Variants in PPM1L observed in about 807,000 individuals in gnomAD.
The protein encoded by PPM1L is protein phosphatase 1L.
In PPM1L, 13 loss-of-function variants were observed where a neutral mutation model predicts 31.4. That is an observed-to-expected ratio of 0.41 (90% CI 0.27 to 0.66). The LOEUF is 0.66. Among genes scored for constraint, PPM1L ranks in the 30% least tolerant of loss-of-function variants. PPM1L has a pLI of 0.29. For synonymous variants in PPM1L, 184 were observed against 175.4 expected (o/e 1.05, Z -0.39); for missense variants, 326 against 453.7 (o/e 0.72, Z 2.56).
intron 2 of PPM1L, among the ~76,000 whole-genome samples, chr3:160,971,771 T>A (rs889289707): frequency 1.3e-5 from 2 of 152,016 alleles, no homozygotes; most frequent in Non-Finnish European, 2.9e-5. Flanking sequence ...TACCACATTC[T>A]TTTTTTTATT....
chr3:160,903,208 T>TGTGTGTG (rs1553819694), intron 1 of PPM1L, among the ~76,000 whole-genome samples: 1 of 120,032 alleles, frequency 8.3e-6, no homozygotes, highest in Non-Finnish European at 1.7e-5. Context: ...GTGTGTATGT[T>TGTGTGTG]TGTGTGTGTG....
intron 2 of PPM1L, among the ~76,000 whole-genome samples, chr3:161,057,715 T>C (rs1310019522): frequency 6.6e-6 from 1 of 152,046 alleles, no homozygotes; most frequent in African/African-American, 2.4e-5. Flanking sequence ...GCGGCAGCCA[T>C]TTTCGTTGCT....
At position 160,775,583 on chromosome 3, in the gene PPM1L, G is replaced by A. The variant is rs112514992; in HGVS notation, c.399+18876G>A. On this transcript the variant is annotated intron_variant, in intron 1 of 3. Transcript: ENST00000498165. ...TATCCTAGGCAAGTGGTTTTCATCA[G>A]TTTGACAGGTAACTCTATTTCTGGT... 1.1e-3 allele frequency among the ~76,000 whole-genome samples: 160 copies of A among 152,252 alleles called. 1 individual carries two copies. The highest frequency in any genetic ancestry group is 3.5e-3 in the African/African-American group (144 of 41,558).
Position 161,070,906 on chromosome 3 carries a change from T to A in PPM1L, c.*1749T>A, listed in dbSNP as rs1006237212. 2 of 152,360 alleles carry A rather than the reference T, an allele frequency of 1.3e-5. No homozygotes were observed. The highest frequency in any genetic ancestry group is 2.4e-5 in the African/African-American group (1 of 41,580). The allele number at this position is 152,360 out of a possible 1,614,324, so 9.4% of individuals were successfully genotyped here. The stretch of plus-strand genomic sequence containing the variant: ...AGCACTTAACTTTCTTTGACTGCAC[T>A]GAGAATTGCTAATGATTTCCCATGA... On this transcript the variant is annotated 3_prime_UTR_variant, in exon 4 of 4. Transcript: ENST00000498165.
chr3:160,957,577 C>CT (rs35644904), intron 1 of PPM1L, among the ~76,000 whole-genome samples: 3,395 of 129,188 alleles, frequency 0.026, 167 homozygotes, highest in African/African-American at 0.085. Context: ...TATTATTTGA[C>CT]TTTTTTTTTT....
chr3:160,785,405 C>CT (rs1711873798), intron 1 of PPM1L, among the ~76,000 whole-genome samples: 1 of 152,098 alleles, frequency 6.6e-6, no homozygotes, highest in Non-Finnish European at 1.5e-5. Context: ...GGATGTATTA[C>CT]TTTTTATAAC....
At chr3:160,757,893 G>T (rs775958906) in intron 1 of PPM1L, among the ~76,000 whole-genome samples, 6 of 152,160 alleles carry the variant, frequency 3.9e-5, no homozygotes, top group Non-Finnish European at 8.8e-5. Flanking sequence ...TCAAGCATTT[G>T]CTTGTTCTTT....
chr3:160,799,543 A>C (rs2108077254), intron 1 of PPM1L, among the ~76,000 whole-genome samples: 1 of 152,366 alleles, frequency 6.6e-6, no homozygotes, highest in East Asian at 1.9e-4. Flanking sequence ...TAGTGTAAAC[A>C]TAACTTTTAT....
chr3:160,821,847 C>CT (rs986742975), intron 1 of PPM1L, among the ~76,000 whole-genome samples: 48 of 150,744 alleles, frequency 3.2e-4, no homozygotes, highest in East Asian at 1.8e-3. Flanking sequence ...CTTTTAATTC[C>CT]TTTTTTAAAA....
In PPM1L at chr3:161,073,334, G is replaced by C. The variant is rs1295668929; in HGVS notation, c.*4177G>C. On this transcript the variant is annotated 3_prime_UTR_variant, in exon 4 of 4. Coordinates refer to ENST00000498165, the MANE Select transcript of PPM1L (RefSeq NM_139245.4). ...CACCTAGTAACACTGCAAGGAACTTGTGTTCTAAAGAACACCCTTTGGGAA... is the reference window on the plus strand; with the variant it reads ...CACCTAGTAACACTGCAAGGAACTTCTGTTCTAAAGAACACCCTTTGGGAA... 6.6e-6 allele frequency: 1 copy of C among 152,172 alleles called. No individual in the cohort carries two copies. Among genetic ancestry groups the C allele is most frequent in the African/African-American group, 2.4e-5 (1 of 41,442 alleles). 9.4% of individuals were successfully genotyped at this position (152,172 alleles called of 1,614,324 possible).
intron 1 of PPM1L, among the ~76,000 whole-genome samples, chr3:160,940,189 G>T (rs922515633): frequency 4.6e-5 from 7 of 152,198 alleles, no homozygotes; most frequent in African/African-American, 1.7e-4. Flanking sequence ...GCATTCAAGA[G>T]GTGACTTGGG....
chr3:160,786,157 C>CTGTGTGTGTGTGTG (rs1239014226), intron 1 of PPM1L, among the ~76,000 whole-genome samples: 1 of 69,178 alleles, frequency 1.4e-5, no homozygotes, highest in African/African-American at 8.3e-5. Context: ...CTCTCTCTCT[C>CTGTGTGTGTGTGTG]TGTGTGTGTG....
chr3:160,797,226 T>C (rs1438355018), intron 1 of PPM1L, among the ~76,000 whole-genome samples: 2 of 152,226 alleles, frequency 1.3e-5, no homozygotes, highest in Non-Finnish European at 2.9e-5. Flanking sequence ...TATTATTATA[T>C]CTGTCCTGGT....
chr3:161,073,973 T>C lies in PPM1L; in HGVS notation c.*4816T>C, dbSNP rs1027279139. 2.6e-5 allele frequency: 4 copies of C among 152,208 alleles called. No homozygotes were observed. Among genetic ancestry groups the C allele is most frequent in the African/African-American group, 9.7e-5 (4 of 41,450 alleles). 9.4% of individuals were successfully genotyped at this position (152,208 alleles called of 1,614,324 possible). A position where few individuals can be genotyped will look rare whatever the true frequency, so the allele number is the denominator to read the frequency against. ...TTTGCAGTTACCTTTGCTTTTTGGGTTGAATCAAAATGAATATTTTTATAT... is the reference window on the plus strand; with the variant it reads ...TTTGCAGTTACCTTTGCTTTTTGGGCTGAATCAAAATGAATATTTTTATAT... On this transcript the variant is annotated 3_prime_UTR_variant, in exon 4 of 4. Coordinates refer to ENST00000498165, the MANE Select transcript of PPM1L (RefSeq NM_139245.4).
chr3:160,858,029 A>G (rs1018192294), intron 1 of PPM1L, among the ~76,000 whole-genome samples: 4 of 152,188 alleles, frequency 2.6e-5, no homozygotes, highest in Admixed American at 6.5e-5. Flanking sequence ...GAGAAAAATA[A>G]TGTATCTCAT....
chr3:161,013,580 G>T (rs978918535), intron 2 of PPM1L, among the ~76,000 whole-genome samples: 3 of 152,146 alleles, frequency 2.0e-5, no homozygotes, highest in Non-Finnish European at 2.9e-5. Context: ...GGATATCCTT[G>T]TTAACTTTGT....
At chr3:161,062,705 T>C (rs1395774327) in intron 2 of PPM1L, among the ~76,000 whole-genome samples, 2 of 152,220 alleles carry the variant, frequency 1.3e-5, no homozygotes, top group East Asian at 3.8e-4. Context: ...AAAAGAAATC[T>C]TGCGTGGCAG....
intron 1 of PPM1L, among the ~76,000 whole-genome samples, chr3:160,920,119 G>A (rs951939930): frequency 6.6e-6 from 1 of 152,106 alleles, no homozygotes; most frequent in African/African-American, 2.4e-5. Context: ...CTCCTTGGGG[G>A]TGGGGAGCTC....
chr3:160,812,930 C>G (rs1286250392), intron 1 of PPM1L, among the ~76,000 whole-genome samples: 6 of 152,168 alleles, frequency 3.9e-5, no homozygotes, highest in East Asian at 1.9e-4. Flanking sequence ...TTTATAATGT[C>G]TATTATGTAT....
Sources: allele counts gnomAD v4.1 joint callset (sites outside exome capture counted in the v4.1 genomes callset), GRCh38; gene constraint gnomAD v4.1.1; transcripts MANE v1.5; gene names NCBI Gene and HGNC (gene_info 2026-07-23, HGNC 2026-07-21).